The following PIGG variants were observed in gnomAD, a reference collection of about 807,000 sequenced individuals.
The protein encoded by PIGG is GPI ethanolamine phosphate transferase 2, catalytic subunit.
In PIGG, 70 loss-of-function variants were observed where a neutral mutation model predicts 83.2. The observed-to-expected ratio is 0.84, with a 90% confidence interval of 0.69 to 1.03. The LOEUF (loss-of-function observed/expected upper bound fraction) is 1.03, where lower values mean the gene tolerates loss of function less well. Ranked by LOEUF, PIGG falls within the 50% of genes least tolerant of loss-of-function variation. The pLI, the probability that PIGG is intolerant of heterozygous loss-of-function variation, is 0.00. For synonymous variants in PIGG, 532 were observed against 519.5 expected, an observed-to-expected ratio of 1.02 and a Z score of -0.33; for missense variants, 1,257 against 1,233.6, an observed-to-expected ratio of 1.02 and a Z score of -0.28.
chr4:537,945 G>C (rs1230279654), intron 12 of PIGG, among the ~76,000 whole-genome samples: 1 of 152,164 alleles, frequency 6.6e-6, no homozygotes, highest in Non-Finnish European at 1.5e-5. Context: ...TGGTGGAGCT[G>C]CTGGGCTGAC....
chr4:503,557 C>T (rs1297973884), intron 2 of PIGG, among the ~76,000 whole-genome samples: 3 of 152,166 alleles, frequency 2.0e-5, no homozygotes, highest in Admixed American at 6.5e-5. Context: ...TCTGGAAAGT[C>T]CCACCTCACC....
intron 10 of PIGG, among the ~76,000 whole-genome samples, chr4:529,416 A>C (rs983187841): frequency 3.9e-5 from 6 of 152,188 alleles, no homozygotes; most frequent in African/African-American, 1.4e-4. Flanking sequence ...CACATGGTAT[A>C]CAGTGCTCAG....
intron 12 of PIGG, among the ~76,000 whole-genome samples, chr4:535,030 G>A (rs1023421070): frequency 4.6e-5 from 7 of 152,212 alleles, no homozygotes; most frequent in African/African-American, 1.2e-4. Flanking sequence ...CTTCCTCATC[G>A]TATGTTTCTT....
intron 6 of PIGG, among the ~76,000 whole-genome samples, chr4:520,456 C>A (rs990870036): frequency 1.3e-5 from 2 of 150,866 alleles, no homozygotes; most frequent in African/African-American, 4.9e-5. Context: ...CAGAGCTCAC[C>A]CTTGTGAGCA....
At position 516,164 on chromosome 4, in the gene PIGG, A is replaced by C. The variant is rs1723776139; in HGVS notation, c.1093A>C (p.Asn365His). ...TVQLSKLLQE[N>H]VPSYEKDPGF... ...GCAGCTTAGTAAACTGTTGCAAGAG[A>C]ATGTGCCGTCATATGAAAAAGGTCA... The change falls in exon 6 of 13, where the codon AAT becomes CAT. Residue 365 changes from asparagine (N) to histidine (H), a missense_variant. Transcript: ENST00000453061. The C allele has an allele frequency of 6.2e-7, 1 of 1,613,288 alleles. No homozygotes were observed. The highest frequency in any genetic ancestry group is 8.5e-7 in the Non-Finnish European group (1 of 1,179,332).
At chr4:511,218 A>G (rs1363271996) in intron 5 of PIGG, among the ~76,000 whole-genome samples, 1 of 150,958 alleles carries the variant, frequency 6.6e-6, no homozygotes, top group East Asian at 2.0e-4. Context: ...ACTTGAGCCC[A>G]GGAGGCGGAG....
Position 515,332 on chromosome 4 carries a change from C to G in PIGG, c.902-641C>G, listed in dbSNP as rs1723475630. ...CAGTGGCCTAGGCCCATGGTGCTGA[C>G]ATCACAGCCATTCTTGCAAGGAGAT... On this transcript the variant is annotated intron_variant, in intron 5 of 12. Transcript: ENST00000453061. This position sits in a 1 kb window ranked among gnomAD's most constrained non-coding sequence, Gnocchi z 4.2. 6.6e-6 allele frequency among the ~76,000 whole-genome samples: 1 copy of G among 152,248 alleles called. No homozygotes were observed. The highest frequency in any genetic ancestry group is 2.4e-5 in the African/African-American group (1 of 41,460).
rs1169318027 is a variant in PIGG, at chr4:505,717, G to A, written c.361-1G>A. Reference sequence around the variant, plus strand: ...CTAATTCTTGCATTTTCTGACTGCAGGCATTGATGACGGGGAGCCTTCCTG... The same window carrying A: ...CTAATTCTTGCATTTTCTGACTGCAAGCATTGATGACGGGGAGCCTTCCTG... On this transcript the variant is annotated splice_acceptor_variant, in intron 2 of 12. Coordinates refer to ENST00000453061, the MANE Select transcript of PIGG (RefSeq NM_001127178.3). LOFTEE classifies it high-confidence loss of function. 1 of 1,612,016 alleles carries A rather than the reference G, an allele frequency of 6.2e-7. No homozygotes were observed. The highest frequency in any genetic ancestry group is 1.3e-5 in the African/African-American group (1 of 74,704).
Position 518,282 on chromosome 4 carries a change from G to A in PIGG, c.1114+2097G>A, listed in dbSNP as rs376044224. On this transcript the variant is annotated intron_variant, in intron 6 of 12. Transcript: ENST00000453061. The stretch of plus-strand genomic sequence containing the variant: ...TTTGTTACTGTGTCCTTTTTTCTAC[G>A]CTAAGAGTGATAAAAACACCAACAA... 5.9e-5 allele frequency among the ~76,000 whole-genome samples: 9 copies of A among 152,272 alleles called. No homozygotes were observed. The East Asian group carries it at 1.2e-3, about 20-fold the overall frequency.
chr4:518,224 G>T lies in PIGG; in HGVS notation c.1114+2039G>T, dbSNP rs116754371. Among the ~76,000 whole-genome samples the T allele has an allele frequency of 7.8e-3, 1,182 of 152,338 alleles. 8 individuals are homozygous for T. The highest frequency in any genetic ancestry group is 0.011 in the Non-Finnish European group (751 of 68,028). ...TGTGCTTTTCGTTTTTTAAAAAATAGTATGAGTTTGGTAGCTTTTGCATAT... is the reference window on the plus strand; with the variant it reads ...TGTGCTTTTCGTTTTTTAAAAAATATTATGAGTTTGGTAGCTTTTGCATAT... On this transcript the variant is annotated intron_variant, in intron 6 of 12. Transcript: ENST00000453061.
chr4:499,432 C>A lies in PIGG; in HGVS notation c.97C>A (p.Arg33Ser). The A allele has an allele frequency of 6.2e-7, 1 of 1,606,842 alleles. No homozygotes were observed. Among genetic ancestry groups the A allele is most frequent in the South Asian group, 1.1e-5 (1 of 90,848 alleles). Reference protein sequence around the residue: ...FLRGFFPAPVRSSARAEHGAE... With the variant: ...FLRGFFPAPVSSSARAEHGAE... ...TCGGGGATTCTTCCCGGCTCCCGTTCGTTCCTCTGCCAGAGCGGAACACGG... is the reference window on the plus strand; with the variant it reads ...TCGGGGATTCTTCCCGGCTCCCGTTAGTTCCTCTGCCAGAGCGGAACACGG... The change falls in exon 1 of 13, where the codon CGT becomes AGT. Residue 33 changes from arginine to serine, a missense_variant. By Grantham distance (110) the Arg-to-Ser change is moderately radical (BLOSUM62 -1). Transcript: ENST00000453061.
At position 521,937 on chromosome 4, in the gene PIGG, G is replaced by A. The variant is rs1434672778; in HGVS notation, c.1610G>A (p.Arg537Lys). Reference protein sequence around the residue: ...TNVLVGGNTPRKNPMHPSSRW... With the variant: ...TNVLVGGNTPKKNPMHPSSRW... Reference sequence around the variant, plus strand: ...GTGCTCGTGGGTGGAAACACCCCAAGGAAGGTACGTACGGCTGGTTCCTGG... The same window carrying A: ...GTGCTCGTGGGTGGAAACACCCCAAAGAAGGTACGTACGGCTGGTTCCTGG... Residue 537 changes from arginine (R) to lysine (K), a missense_variant, in exon 8 of 13, where the codon AGG (arginine) becomes AAG (lysine). By Grantham distance (26) the Arg-to-Lys change is conservative. Transcript: ENST00000453061. 1 of 1,614,052 alleles carries A rather than the reference G, an allele frequency of 6.2e-7. No homozygotes were observed.
In PIGG at chr4:530,521, A is replaced by ATTG; in HGVS notation, c.2348_2350dup (p.Ile783_Ala784insVal). On this transcript the variant is annotated inframe_insertion, in exon 11 of 13. Transcript: ENST00000453061. Reference sequence around the variant, plus strand: ...CAAAGACTTACTTAAATCTCAAGTCATTGCTGCAGACTTCAAACTCAAGAC... The same window carrying ATTG: ...CAAAGACTTACTTAAATCTCAAGTCATTGTTGCTGCAGACTTCAAACTCAAGAC... The ATTG allele has an allele frequency of 3.7e-6, 6 of 1,612,540 alleles. No homozygotes were observed. The highest frequency in any genetic ancestry group is 5.1e-6 in the Non-Finnish European group (6 of 1,178,532).
At chr4:506,964 C>T (rs1057461419) in intron 3 of PIGG, 3 of 344,188 alleles carry the variant, frequency 8.7e-6, no homozygotes, top group Non-Finnish European at 1.2e-5. Context: ...TTCAGTTATG[C>T]CCATTAAGCC....
chr4:523,673 G>A lies in PIGG; in HGVS notation c.1829G>A (p.Cys610Tyr). ...GACGGTGAGCCTCCGTGTGGCCTCTGTGTGGAACAAGGGCATGACGGGGCC... is the reference window on the plus strand; with the variant it reads ...GACGGTGAGCCTCCGTGTGGCCTCTATGTGGAACAAGGGCATGACGGGGCC... ...GDDGEPPCGL[C>Y]VEQGHDGATA... is the part of the protein sequence containing the mutation. Residue 610 changes from cysteine (C) to tyrosine (Y), a missense_variant, in exon 9 of 13, where the codon TGT becomes TAT. Transcript: ENST00000453061. 1 of 1,614,226 alleles carries A rather than the reference G, an allele frequency of 6.2e-7. No individual in the cohort carries two copies. The highest frequency in any genetic ancestry group is 8.5e-7 in the Non-Finnish European group (1 of 1,180,040).
At chr4:537,235 G>A (rs1485113822) in intron 12 of PIGG, 1 of 152,156 alleles carries the variant, frequency 6.6e-6, no homozygotes, top group Non-Finnish European at 1.5e-5. Context: ...TTTCCAAAAG[G>A]TCAAAAACGT....
At position 516,092 on chromosome 4, in the gene PIGG, G is replaced by C; in HGVS notation, c.1021G>C (p.Gly341Arg). 1 of 1,613,672 alleles carries C rather than the reference G, an allele frequency of 6.2e-7. No individual in the cohort carries two copies. The highest frequency in any genetic ancestry group is 1.6e-4 in the Middle Eastern group (1 of 6,062). The part of the protein sequence containing the change: ...VGSLLFPVVE[G>R]RPMREQLRFL... ...GAGCCTCCTATTCCCAGTTGTGGAAGGAAGACCAATGAGAGAGCAGTTGAG... is the reference window on the plus strand; with the variant it reads ...GAGCCTCCTATTCCCAGTTGTGGAACGAAGACCAATGAGAGAGCAGTTGAG... Residue 341 changes from glycine (G) to arginine (R), a missense_variant, in exon 6 of 13, where the codon GGA (glycine) becomes CGA (arginine). Physicochemically the swap from Gly to Arg is moderately radical, Grantham distance 125 (BLOSUM62 -2). Transcript: ENST00000453061.
At chr4:509,546 A>T (rs782139002) in intron 5 of PIGG, among the ~76,000 whole-genome samples, 1 of 151,592 alleles carries the variant, frequency 6.6e-6, no homozygotes, top group Non-Finnish European at 1.5e-5. Flanking sequence ...CTGCTGCCAC[A>T]CTCGCTGCCT....
In PIGG at chr4:516,087, T is replaced by G. The variant is rs753986224; in HGVS notation, c.1016T>G (p.Val339Gly). ...DSVGSLLFPV[V>G]EGRPMREQLR... ...GTAGGGAGCCTCCTATTCCCAGTTG[T>G]GGAAGGAAGACCAATGAGAGAGCAG... is the stretch of plus-strand genomic sequence containing the variant. The change falls in exon 6 of 13, where the codon GTG becomes GGG. Residue 339 changes from valine to glycine, a missense_variant. Transcript: ENST00000453061. 1.1e-5 allele frequency: 17 copies of G among 1,613,746 alleles called. No individual in the cohort carries two copies. Among genetic ancestry groups the G allele is most frequent in the Admixed American group, 1.7e-5 (1 of 59,998 alleles).
Sources: gnomAD v4.1 joint callset for allele counts (sites outside exome capture counted in the v4.1 genomes callset) on GRCh38, gnomAD v4.1.1 for gene constraint, Gnocchi (gnomAD v3.1) non-coding constraint, MANE v1.5 for transcripts, NCBI Gene and HGNC (gene_info 2026-07-23, HGNC 2026-07-21) for gene names.